The following CCNG2 variants were observed in gnomAD, a reference collection of about 807,000 sequenced individuals.
The protein encoded by CCNG2 is cyclin G2.
CCNG2 carries 20 observed loss-of-function variants against 36.5 expected under a neutral mutation model. That is an observed-to-expected ratio of 0.55 (90% CI 0.39 to 0.80). The LOEUF (loss-of-function observed/expected upper bound fraction) is 0.80. CCNG2 is among the 30% of genes least tolerant of loss of function. The pLI is 0.00. For missense variants in CCNG2, 358 were observed against 390.8 expected (o/e 0.92, Z 0.71); for synonymous variants, 155 against 140.1 (o/e 1.11, Z -0.75).
chr4:77,159,613 A>AT, intron 3 of CCNG2, 109 bp downstream of exon 3: 1 of 971,874 alleles, frequency 1.0e-6, no homozygotes, highest in Non-Finnish European at 1.5e-6. Context: ...CACTGTACAT[A>AT]AAAATTTATA....
rs763497281 is a variant in CCNG2 at position 77,164,442 on chromosome 4, A to G, written c.874A>G (p.Thr292Ala). 26 of 1,613,948 alleles carry G rather than the reference A, an allele frequency of 1.6e-5. No individual in the cohort carries two copies. Among genetic ancestry groups the G allele is most frequent in the South Asian group, 5.5e-5 (5 of 91,086 alleles). ...NSYYSVPELP[T>A]IPEGGCFDES... is the part of the protein sequence containing the mutation. Reference sequence around the variant, plus strand: ...CTACTATAGTGTTCCTGAGCTGCCAACGATACCTGAGGGGGGTTGTTTTGA... The same window carrying G: ...CTACTATAGTGTTCCTGAGCTGCCAGCGATACCTGAGGGGGGTTGTTTTGA... The change falls in exon 7 of 8, where the codon ACG becomes GCG. Residue 292 changes from threonine (T) to alanine (A), a missense_variant. By Grantham distance (58) the Thr-to-Ala change is moderately conservative. Transcript: ENST00000316355.
chr4:77,158,289 G>GGCTGGCCGGTCTTACCCAGC (rs1018727158), intron 1 of CCNG2: 4 of 515,692 alleles, frequency 7.8e-6, no homozygotes, highest in Non-Finnish European at 1.4e-5. Context: ...AAGAGGCCAG[G>GGCTGGCCGGTCTTACCCAGC]GCTGGCCGGT....
intron 6 of CCNG2, among the ~76,000 whole-genome samples, chr4:77,163,866 G>A (rs1459571267): frequency 1.3e-5 from 2 of 152,156 alleles, no homozygotes; most frequent in East Asian, 1.9e-4. Flanking sequence ...ATTGGTTTCT[G>A]TAACAAAAGG....
chr4:77,159,534 C>T (rs754225514), intron 3 of CCNG2, 30 bp downstream of exon 3: 5 of 1,604,842 alleles, frequency 3.1e-6, no homozygotes, highest in Non-Finnish European at 4.3e-6. Context: ...AATATGTCTT[C>T]CTTTTTCTAT....
In CCNG2 at chr4:77,158,621, G is replaced by A. The variant is rs1731339953; in HGVS notation, c.89G>A (p.Arg30Lys). The change falls in exon 2 of 8, where the codon AGA (arginine) becomes AAA (lysine). Residue 30 changes from arginine (R) to lysine (K), a missense_variant. Coordinates refer to ENST00000316355, the MANE Select transcript of CCNG2 (RefSeq NM_004354.3). ...AACGTCTACCTGGAACAAGAAGAGA[G>A]ATTCCAACCTCGAGAAAAAGGGCTG... ...LLNVYLEQEE[R>K]FQPREKGLSL... 6.2e-7 allele frequency: 1 copy of A among 1,614,196 alleles called. No individual in the cohort carries two copies. The highest frequency in any genetic ancestry group is 1.1e-5 in the South Asian group (1 of 91,082).
chr4:77,165,976 T>C lies in CCNG2; in HGVS notation c.*52T>C. 6.5e-7 allele frequency: 1 copy of C among 1,539,060 alleles called. No individual in the cohort carries two copies. Among genetic ancestry groups the C allele is most frequent in the Non-Finnish European group, 8.8e-7 (1 of 1,141,312 alleles). ...TATTTACAGGTTTCAAAGCAATAAATGGGGGAATAGGTAGTTTCCTGGTTT... is the reference window on the plus strand; with the variant it reads ...TATTTACAGGTTTCAAAGCAATAAACGGGGGAATAGGTAGTTTCCTGGTTT... On this transcript the variant is annotated 3_prime_UTR_variant, in exon 8 of 8. Transcript: ENST00000316355.
intron 1 of CCNG2, among the ~76,000 whole-genome samples, chr4:77,157,855 G>C (rs562653706): frequency 2.0e-5 from 3 of 152,072 alleles, no homozygotes; most frequent in Non-Finnish European, 4.4e-5. Flanking sequence ...TGGGTGGACG[G>C]GTGTTGTCCC....
chr4:77,162,612 A>C (rs1311787492), intron 6 of CCNG2, among the ~76,000 whole-genome samples: 1 of 151,874 alleles, frequency 6.6e-6, no homozygotes, highest in African/African-American at 2.4e-5. Context: ...TGAACTCCTG[A>C]CTTCAAGTGA....
chr4:77,161,474 G>A lies in CCNG2; in HGVS notation c.528-6G>A, dbSNP rs774054390. ...TTAATAAATCTTTGTTCTTTGCATT[G>A]TATAGGAAAGAAATACTGAGCCTTG... On this transcript the variant is annotated splice_polypyrimidine_tract_variant and splice_region_variant and intron_variant, in intron 4 of 7. Coordinates refer to ENST00000316355, the MANE Select transcript of CCNG2 (RefSeq NM_004354.3). The A allele has an allele frequency of 6.4e-7, 1 of 1,569,776 alleles. No individual in the cohort carries two copies. Among genetic ancestry groups the A allele is most frequent in the Admixed American group, 1.9e-5 (1 of 53,988 alleles).
intron 3 of CCNG2, 96 bp downstream of exon 3, chr4:77,159,600 G>A (rs1286311645): frequency 2.6e-6 from 3 of 1,143,038 alleles, no homozygotes; most frequent in East Asian, 2.4e-5. Context: ...GTATAATAAC[G>A]TCCACTGTAC....
Position 77,166,012 on chromosome 4 carries a change from T to A in CCNG2, c.*88T>A, listed in dbSNP as rs1396728449. On this transcript the variant is annotated 3_prime_UTR_variant, in exon 8 of 8. Transcript: ENST00000316355. ...GTAGTTTCCTGGTTTAGCCCCCATC[T>A]AGTCAGGAATTAATATACTGGAATA... is the stretch of plus-strand genomic sequence containing the variant. 3 of 1,268,998 alleles carry A rather than the reference T, an allele frequency of 2.4e-6. No individual in the cohort carries two copies. The highest frequency in any genetic ancestry group is 1.1e-6 in the Non-Finnish European group (1 of 925,852). 78.6% of individuals were successfully genotyped at this position (1,268,998 alleles called of 1,614,324 possible). A position where few individuals can be genotyped will look rare whatever the true frequency, so the allele number is the denominator to read the frequency against.
At chr4:77,160,245 AT>A (rs1442238396) in intron 3 of CCNG2, among the ~76,000 whole-genome samples, 3 of 152,026 alleles carry the variant, frequency 2.0e-5, no homozygotes, top group Non-Finnish European at 4.4e-5. Context: ...TATATTATGA[AT>A]TTCATAAGTC....
rs2109924639 is a variant in CCNG2 at position 77,166,137 on chromosome 4, T to C, written c.*213T>C. On this transcript the variant is annotated 3_prime_UTR_variant, in exon 8 of 8. Transcript: ENST00000316355. Reference sequence around the variant, plus strand: ...GCCTCTTAAACCATTAACAGTACTTTAGACATTGGCACTTTATTTTTCTCG... The same window carrying C: ...GCCTCTTAAACCATTAACAGTACTTCAGACATTGGCACTTTATTTTTCTCG... 2 of 353,534 alleles carry C rather than the reference T, an allele frequency of 5.7e-6. No homozygotes were observed. Among genetic ancestry groups the C allele is most frequent in the South Asian group, 9.7e-5 (1 of 10,352 alleles). 21.9% of individuals were successfully genotyped at this position (353,534 alleles called of 1,614,324 possible).
chr4:77,159,883 A>G (rs1731381232), intron 3 of CCNG2, among the ~76,000 whole-genome samples: 1 of 152,220 alleles, frequency 6.6e-6, no homozygotes, highest in Non-Finnish European at 1.5e-5. Context: ...ACAGTTTATT[A>G]AATATGACCG....
Position 77,161,542 on chromosome 4 carries a change from T to C in CCNG2, c.590T>C (p.Ile197Thr), listed in dbSNP as rs757415057. Residue 197 changes from isoleucine to threonine, a missense_variant, in exon 5 of 8, where the codon ATC becomes ACC. Physicochemically the swap from Ile to Thr is moderately conservative, Grantham distance 89. Coordinates refer to ENST00000316355, the MANE Select transcript of CCNG2 (RefSeq NM_004354.3). The stretch of plus-strand genomic sequence containing the variant: ...CTGAAAGCTTGCAACTGCCGACTCA[T>C]CTTTTCAAAAGCAAAAGTAAGTCGA... ...AQLKACNCRLIFSKAKPSVLA... is the reference protein window; with the variant it reads ...AQLKACNCRLTFSKAKPSVLA... 3 of 1,610,794 alleles carry C rather than the reference T, an allele frequency of 1.9e-6. No homozygotes were observed. The South Asian group carries it at 3.3e-5, about 18-fold the overall frequency.
chr4:77,157,552 T>C (rs1731295099), intron 1 of CCNG2, 46 bp downstream of exon 1: 2 of 152,544 alleles, frequency 1.3e-5, no homozygotes, highest in South Asian at 2.1e-4. Flanking sequence ...TTGTTCGTGG[T>C]GGGGACTGTG....
chr4:77,157,282 C>G lies in CCNG2; in HGVS notation c.-225C>G, dbSNP rs1416907227. On this transcript the variant is annotated 5_prime_UTR_variant, in exon 1 of 8. Coordinates refer to ENST00000316355, the MANE Select transcript of CCNG2 (RefSeq NM_004354.3). Reference sequence around the variant, plus strand: ...GGTGCGGCGGTGGGCTGGTCTTCCGCGGCCGGCGTTGCGCCGCGGCGGAGG... The same window carrying G: ...GGTGCGGCGGTGGGCTGGTCTTCCGGGGCCGGCGTTGCGCCGCGGCGGAGG... The G allele has an allele frequency of 1.3e-5, 2 of 152,280 alleles. No individual in the cohort carries two copies. Among genetic ancestry groups the G allele is most frequent in the African/African-American group, 4.8e-5 (2 of 41,364 alleles). The allele number at this position is 152,280 out of a possible 1,614,324, so 9.4% of individuals were successfully genotyped here.
rs150342928 is a variant in CCNG2, at chr4:77,161,097, A to ATTTTTTTTTT, written c.527+127_527+128insTTTTTTTTTT. 9 of 475,326 alleles carry ATTTTTTTTTT rather than the reference A, an allele frequency of 1.9e-5. No individual in the cohort carries two copies. In the African/African-American group the frequency reaches 2.5e-4, roughly 13 times the overall value. 29.4% of individuals were successfully genotyped at this position (475,326 alleles called of 1,614,324 possible). On this transcript the variant is annotated intron_variant, in intron 4 of 7. Transcript: ENST00000316355. Reference sequence around the variant, plus strand: ...CTTTCAACTTTGACTTTATTGGTAAATCTTTTTTTTTTTTTTTTTTTGGAG... The same window carrying ATTTTTTTTTT: ...CTTTCAACTTTGACTTTATTGGTAAATTTTTTTTTTTCTTTTTTTTTTTTTTTTTTTGGAG...
chr4:77,158,968 C>T lies in CCNG2; in HGVS notation c.138+298C>T, dbSNP rs146764217. 4.7e-3 allele frequency among the ~76,000 whole-genome samples: 710 copies of T among 152,312 alleles called. 6 individuals carry two copies. Among genetic ancestry groups the T allele is most frequent in the African/African-American group, 0.017 (688 of 41,560 alleles). On this transcript the variant is annotated intron_variant, in intron 2 of 7. Transcript: ENST00000316355. ...GAGACCCCGGGTGAATTGAGTAGTT[C>T]ATTTGTGCAAACACCCTCTGCCTGT...
Sources: gnomAD v4.1 joint callset for allele counts (sites outside exome capture counted in the v4.1 genomes callset) on GRCh38, gnomAD v4.1.1 for gene constraint, MANE v1.5 for transcripts, NCBI Gene and HGNC (gene_info 2026-07-23, HGNC 2026-07-21) for gene names.